The following NUBPL variants were observed in gnomAD, a reference collection of about 807,000 sequenced individuals.
The protein encoded by NUBPL is NUBP iron-sulfur cluster assembly factor, mitochondrial.
A neutral mutation model predicts 45.7 loss-of-function variants in NUBPL; 31 were observed. That is an observed-to-expected ratio of 0.68 (90% CI 0.51 to 0.92). The LOEUF (loss-of-function observed/expected upper bound fraction) is 0.92, where lower values mean the gene tolerates loss of function less well. Ranked by LOEUF, NUBPL falls within the 40% of genes least tolerant of loss-of-function variation. The pLI is 0.00. For missense variants in NUBPL, 401 were observed against 398.7 expected, an observed-to-expected ratio of 1.01 and a Z score of -0.05; for synonymous variants, 144 against 140.9, an observed-to-expected ratio of 1.02 and a Z score of -0.15.
At chr14:31,637,989 C>T (rs1298174190) in intron 4 of NUBPL, among the ~76,000 whole-genome samples, 6 of 152,170 alleles carry the variant, frequency 3.9e-5, no homozygotes, top group Middle Eastern at 3.4e-3. Flanking sequence ...TGTCTCTGCA[C>T]GTGAGATGGA....
chr14:31,587,672 A>G (rs879415398), intron 3 of NUBPL, among the ~76,000 whole-genome samples: 3 of 152,180 alleles, frequency 2.0e-5, no homozygotes, highest in Non-Finnish European at 4.4e-5. Context: ...TCTGTACTCT[A>G]TTATCTATAT....
At chr14:31,841,935 T>TTTGTTTG (rs2040380867) in intron 8 of NUBPL, among the ~76,000 whole-genome samples, 1 of 126,132 alleles carries the variant, frequency 7.9e-6, no homozygotes, top group South Asian at 2.8e-4. Context: ...TTTTTTTTTT[T>TTTGTTTG]TTTTTTTTTT....
chr14:31,717,079 T>C (rs1034421703), intron 6 of NUBPL, among the ~76,000 whole-genome samples: 2 of 152,198 alleles, frequency 1.3e-5, no homozygotes, highest in Admixed American at 1.3e-4. Flanking sequence ...TTATACCCTT[T>C]TGTGGCACCT....
chr14:31,821,381 C>A (rs2040015942), intron 7 of NUBPL, among the ~76,000 whole-genome samples: 1 of 152,104 alleles, frequency 6.6e-6, no homozygotes, highest in Non-Finnish European at 1.5e-5. Context: ...GGCAAAAGAT[C>A]TGAATAGACA....
chr14:31,565,037 G>T lies in NUBPL; in HGVS notation c.280G>T (p.Ala94Ser). The change falls in exon 3 of 11, where the codon GCG (alanine) becomes TCG (serine). Residue 94 changes from alanine to serine, a missense_variant. By Grantham distance (99) the Ala-to-Ser change is moderately conservative (BLOSUM62 1). Transcript: ENST00000281081. Reference sequence around the variant, plus strand: ...AGTGAATCTTGCACTTGCACTAGCAGCGAACGATTCGGTAGGTGTTTATTA... The same window carrying T: ...AGTGAATCTTGCACTTGCACTAGCATCGAACGATTCGGTAGGTGTTTATTA... ...TAVNLALALA[A>S]NDSSKAIGLL... 6.4e-7 allele frequency: 1 copy of T among 1,555,694 alleles called. No individual in the cohort carries two copies. Among genetic ancestry groups the T allele is most frequent in the South Asian group, 1.2e-5 (1 of 83,236 alleles).
chr14:31,717,865 C>CT (rs565180845), intron 6 of NUBPL, among the ~76,000 whole-genome samples: 185 of 152,100 alleles, frequency 1.2e-3, no homozygotes, highest in Non-Finnish European at 2.1e-3. Flanking sequence ...CTGCCTCTCA[C>CT]TTTTTTTTCT....
intron 6 of NUBPL, among the ~76,000 whole-genome samples, chr14:31,759,069 T>TAA (rs145974384): frequency 1.3e-5 from 2 of 150,906 alleles, no homozygotes; most frequent in Non-Finnish European, 3.0e-5. Flanking sequence ...CTATCGACTT[T>TAA]AAAAAAAACA....
At chr14:31,627,868 A>C (rs933373306) in intron 4 of NUBPL, among the ~76,000 whole-genome samples, 1 of 152,196 alleles carries the variant, frequency 6.6e-6, no homozygotes, top group Non-Finnish European at 1.5e-5. Flanking sequence ...GAAATTTAAA[A>C]AGTTATTAAT....
intron 3 of NUBPL, among the ~76,000 whole-genome samples, chr14:31,572,853 A>G (rs1056592576): frequency 3.9e-5 from 6 of 152,246 alleles, no homozygotes; most frequent in African/African-American, 1.4e-4. Context: ...GTCCTAGGCT[A>G]CAAACCTGTA....
chr14:31,743,032 C>G (rs1018458101), intron 6 of NUBPL, among the ~76,000 whole-genome samples: 6 of 152,090 alleles, frequency 3.9e-5, no homozygotes, highest in African/African-American at 1.4e-4. Flanking sequence ...CAGGGTATTA[C>G]TTTGATTTTA....
intron 6 of NUBPL, among the ~76,000 whole-genome samples, chr14:31,777,314 T>C (rs2039114593): frequency 6.6e-6 from 1 of 152,210 alleles, no homozygotes; most frequent in African/African-American, 2.4e-5. Flanking sequence ...CAGGTCCATC[T>C]GGTCCCTTGT....
intron 9 of NUBPL, among the ~76,000 whole-genome samples, 180 bp downstream of exon 9, chr14:31,846,771 A>C (rs2138993933): frequency 6.6e-6 from 1 of 152,242 alleles, no homozygotes; most frequent in East Asian, 1.9e-4. Context: ...CCTGGCTAAC[A>C]TGGTGAGACC....
chr14:31,857,913 T>G (rs1367462201), intron 10 of NUBPL, among the ~76,000 whole-genome samples: 5 of 152,166 alleles, frequency 3.3e-5, no homozygotes, highest in Non-Finnish European at 7.3e-5. Context: ...AGTTCCAAAG[T>G]CACTTCCACA....
At chr14:31,597,213 C>G (rs934370873) in intron 3 of NUBPL, among the ~76,000 whole-genome samples, 1 of 152,116 alleles carries the variant, frequency 6.6e-6, no homozygotes, top group Non-Finnish European at 1.5e-5. Flanking sequence ...ACGTAGAGAG[C>G]CTAATATGTA....
intron 7 of NUBPL, among the ~76,000 whole-genome samples, chr14:31,801,517 A>C (rs1002013887): frequency 2.0e-5 from 3 of 152,230 alleles, no homozygotes; most frequent in Admixed American, 6.5e-5. Context: ...TAGTACAGTC[A>C]AATTAGTGAA....
At chr14:31,731,116 C>G (rs769049922) in intron 6 of NUBPL, among the ~76,000 whole-genome samples, 1 of 152,080 alleles carries the variant, frequency 6.6e-6, no homozygotes. Context: ...AATTATCCAG[C>G]AGATATGAAA....
chr14:31,840,022 G>A (rs2040343308), intron 8 of NUBPL, among the ~76,000 whole-genome samples: 2 of 152,112 alleles, frequency 1.3e-5, no homozygotes, highest in African/African-American at 2.4e-5. Context: ...AATTAATATA[G>A]CCATTAAGGA....
At chr14:31,716,662 C>G (rs2037695149) in intron 6 of NUBPL, among the ~76,000 whole-genome samples, 1 of 152,184 alleles carries the variant, frequency 6.6e-6, no homozygotes, top group African/African-American at 2.4e-5. Flanking sequence ...CTCTAGGAAC[C>G]TTTTCTGATT....
intron 3 of NUBPL, among the ~76,000 whole-genome samples, chr14:31,579,638 C>T (rs1000984231): frequency 6.6e-6 from 1 of 152,188 alleles, no homozygotes; most frequent in Non-Finnish European, 1.5e-5. Flanking sequence ...TTAAAAGCAT[C>T]TGTGAGCAAT....
Sources: allele counts gnomAD v4.1 joint callset (sites outside exome capture counted in the v4.1 genomes callset), GRCh38; gene constraint gnomAD v4.1.1; transcripts MANE v1.5; gene names NCBI Gene and HGNC (gene_info 2026-07-23, HGNC 2026-07-21).